The following ROBO2 variants were observed in gnomAD, a reference collection of about 807,000 sequenced individuals.
ROBO2 encodes the protein roundabout homolog 2.
In ROBO2, 53 loss-of-function variants were observed where a neutral mutation model predicts 160.8. The observed-to-expected ratio is 0.33, with a 90% CI of 0.26 to 0.41. ROBO2 has a LOEUF of 0.41. Ranked by LOEUF, ROBO2 falls within the 10% of genes least tolerant of loss-of-function variation. The pLI is 1.00. For missense variants in ROBO2, 1,577 were observed against 1,722.4 expected (o/e 0.92, Z 1.49); for synonymous variants, 664 against 611.7 (o/e 1.09, Z -1.26).
intron 2 of ROBO2, among the ~76,000 whole-genome samples, chr3:76,143,103 A>G (rs1432844269): frequency 6.6e-6 from 1 of 151,982 alleles, no homozygotes; most frequent in East Asian, 1.9e-4. Flanking sequence ...CTTAGCTCAC[A>G]GCATCCTCGA....
At chr3:76,216,234 A>T (rs940794008) in intron 2 of ROBO2, among the ~76,000 whole-genome samples, 1 of 152,238 alleles carries the variant, frequency 6.6e-6, no homozygotes, top group Non-Finnish European at 1.5e-5. Flanking sequence ...CGTCGAGGCT[A>T]GGAAGAAACT....
intron 2 of ROBO2, among the ~76,000 whole-genome samples, chr3:76,254,235 C>G (rs913946087): frequency 1.3e-5 from 2 of 152,018 alleles, no homozygotes; most frequent in South Asian, 4.1e-4. Context: ...AAAATGAAGT[C>G]AGCATATATT....
intron 2 of ROBO2, among the ~76,000 whole-genome samples, chr3:76,859,399 A>G (rs1198726430): frequency 6.6e-6 from 1 of 152,100 alleles, no homozygotes; most frequent in Non-Finnish European, 1.5e-5. Flanking sequence ...TGGCTTGGAG[A>G]TGCGGGTGCT....
chr3:77,398,855 G>A (rs1333324349), intron 2 of ROBO2, among the ~76,000 whole-genome samples: 1 of 152,090 alleles, frequency 6.6e-6, no homozygotes, highest in African/African-American at 2.4e-5. Flanking sequence ...AAAGTGCTGG[G>A]ACTACAGGCA....
At chr3:77,162,110 C>A (rs1018137394) in intron 2 of ROBO2, among the ~76,000 whole-genome samples, 3 of 151,774 alleles carry the variant, frequency 2.0e-5, no homozygotes, top group Admixed American at 6.6e-5. Flanking sequence ...CATTTGCAAA[C>A]CTTCTTATGT....
intron 2 of ROBO2, among the ~76,000 whole-genome samples, chr3:76,207,498 A>G (rs932755446): frequency 6.6e-6 from 1 of 152,194 alleles, no homozygotes; most frequent in Non-Finnish European, 1.5e-5. Context: ...CTCAAAAATA[A>G]GAAAGCTTCA....
intron 2 of ROBO2, among the ~76,000 whole-genome samples, chr3:76,394,331 A>C (rs1333884712): frequency 6.6e-6 from 1 of 152,072 alleles, no homozygotes; most frequent in South Asian, 2.1e-4. Context: ...GGTGGTGACA[A>C]AATCTCTCAG....
intron 2 of ROBO2, among the ~76,000 whole-genome samples, chr3:76,706,690 A>G (rs2093169498): frequency 6.6e-6 from 1 of 152,176 alleles, no homozygotes; most frequent in Non-Finnish European, 1.5e-5. Context: ...CTTATTTGGA[A>G]ACATTGTAGA....
intron 2 of ROBO2, among the ~76,000 whole-genome samples, chr3:76,423,990 G>A (rs1173738354): frequency 6.6e-6 from 1 of 152,134 alleles, no homozygotes; most frequent in Non-Finnish European, 1.5e-5. Flanking sequence ...TTGGCTTGAG[G>A]TCCATGGGCC....
intron 2 of ROBO2, among the ~76,000 whole-genome samples, chr3:76,719,061 T>G (rs2093425863): frequency 6.6e-6 from 1 of 152,192 alleles, no homozygotes; most frequent in Non-Finnish European, 1.5e-5. Flanking sequence ...TCCCTACATG[T>G]AGCACCAAGA....
intron 2 of ROBO2, among the ~76,000 whole-genome samples, chr3:76,741,975 G>A (rs1461117301): frequency 6.6e-6 from 1 of 151,958 alleles, no homozygotes; most frequent in Non-Finnish European, 1.5e-5. Context: ...TGGATGATGT[G>A]TCAGGATTTG....
intron 2 of ROBO2, among the ~76,000 whole-genome samples, chr3:77,271,589 C>T (rs17822079): frequency 0.27 from 41,599 of 152,012 alleles, 6,313 homozygotes; most frequent in South Asian, 0.38. Flanking sequence ...CTATTCATTC[C>T]CTGCAAAATC....
intron 2 of ROBO2, among the ~76,000 whole-genome samples, chr3:76,465,672 G>A (rs1399350573): frequency 1.3e-5 from 2 of 151,892 alleles, no homozygotes; most frequent in East Asian, 1.9e-4. Flanking sequence ...CCTGATATTC[G>A]TCAGGTTGAA....
intron 5 of ROBO2, among the ~76,000 whole-genome samples, chr3:77,494,468 C>T (rs982131440): frequency 2.6e-5 from 4 of 152,070 alleles, no homozygotes; most frequent in Non-Finnish European, 5.9e-5. Flanking sequence ...ATCCCAGCTA[C>T]TCGGGAGGCT....
chr3:76,815,290 AATC>A (rs952165203), intron 2 of ROBO2, among the ~76,000 whole-genome samples: 30 of 152,068 alleles, frequency 2.0e-4, no homozygotes, highest in African/African-American at 7.2e-4. Context: ...ATAACTTGAA[AATC>A]ATCATCACAT....
chr3:76,218,314 T>G (rs909784627), intron 2 of ROBO2, among the ~76,000 whole-genome samples: 2 of 152,080 alleles, frequency 1.3e-5, no homozygotes, highest in African/African-American at 4.8e-5. Context: ...TCTGGCCAGG[T>G]CAGTCAGGCA....
At chr3:77,351,506 G>C (rs181662229) in intron 2 of ROBO2, among the ~76,000 whole-genome samples, 88 of 152,170 alleles carry the variant, frequency 5.8e-4, no homozygotes, top group African/African-American at 2.0e-3. Context: ...AACTGGGATC[G>C]GCAAAAATGA....
At chr3:76,980,019 T>C (rs2060015350) in intron 2 of ROBO2, among the ~76,000 whole-genome samples, 1 of 152,234 alleles carries the variant, frequency 6.6e-6, no homozygotes. Flanking sequence ...CTTTGGTGTG[T>C]TTGGTGATGA....
intron 1 of ROBO2, among the ~76,000 whole-genome samples, chr3:77,069,861 G>A (rs2067229630): frequency 1.3e-5 from 2 of 152,148 alleles, no homozygotes; most frequent in Non-Finnish European, 2.9e-5. Flanking sequence ...GCGCTGATAT[G>A]TGTTGAATTG....
Sources: gnomAD v4.1 joint callset for allele counts (sites outside exome capture counted in the v4.1 genomes callset) on GRCh38, gnomAD v4.1.1 for gene constraint, MANE v1.5 for transcripts, NCBI Gene and HGNC (gene_info 2026-07-23, HGNC 2026-07-21) for gene names.